GALNT17: variants seen among roughly 807,000 people sequenced by gnomAD.
The protein encoded by GALNT17 is UDP-GalNAc:polypeptide N-acetylgalactosaminyltransferase-like 3.
A neutral mutation model predicts 63.7 loss-of-function variants in GALNT17; 29 were observed. That is an observed-to-expected ratio of 0.46 (90% CI 0.34 to 0.62). GALNT17 has a LOEUF of 0.62. Among genes scored for constraint, GALNT17 ranks in the 20% least tolerant of loss-of-function variants. The pLI is 0.01. For synonymous variants in GALNT17, 305 were observed against 318.3 expected, an observed-to-expected ratio of 0.96 and a Z score of 0.45; for missense variants, 603 against 799.6, an observed-to-expected ratio of 0.75 and a Z score of 2.97.
At chr7:71,636,959 A>AT (rs1790535870) in intron 6 of GALNT17, among the ~76,000 whole-genome samples, 1 of 152,180 alleles carries the variant, frequency 6.6e-6, no homozygotes, top group South Asian at 2.1e-4. Context: ...GCAGATGGCC[A>AT]GGATTCAAAT....
At chr7:71,393,202 T>C (rs980426733) in intron 3 of GALNT17, among the ~76,000 whole-genome samples, 1 of 152,220 alleles carries the variant, frequency 6.6e-6, no homozygotes, top group African/African-American at 2.4e-5. Context: ...AATGCTCTCT[T>C]TATCTTAGAA....
At chr7:71,351,449 C>G (rs1274492614) in intron 2 of GALNT17, among the ~76,000 whole-genome samples, 3 of 151,966 alleles carry the variant, frequency 2.0e-5, no homozygotes, top group African/African-American at 7.3e-5. Context: ...ATAACAGGGT[C>G]TTTGCAGATG....
At chr7:71,488,002 T>C (rs1195464456) in intron 5 of GALNT17, among the ~76,000 whole-genome samples, 2 of 151,984 alleles carry the variant, frequency 1.3e-5, no homozygotes, top group African/African-American at 2.4e-5. Context: ...AGACCCTGTC[T>C]GTATAACAAG....
chr7:71,292,492 T>C (rs751556748), intron 1 of GALNT17, among the ~76,000 whole-genome samples: 7 of 152,174 alleles, frequency 4.6e-5, no homozygotes, highest in Non-Finnish European at 8.8e-5. Flanking sequence ...ACTGAGCATT[T>C]TTAACAGTTT....
At chr7:71,669,537 A>G (rs1459790637) in intron 7 of GALNT17, among the ~76,000 whole-genome samples, 1 of 151,218 alleles carries the variant, frequency 6.6e-6, no homozygotes, top group Non-Finnish European at 1.5e-5. Context: ...CACCCTTCTG[A>G]ATAAGCATAC....
chr7:71,139,410 T>G (rs1169371917), intron 1 of GALNT17, among the ~76,000 whole-genome samples: 4 of 152,192 alleles, frequency 2.6e-5, no homozygotes, highest in African/African-American at 9.7e-5. Flanking sequence ...TCGATTCAAC[T>G]TAGTTACCAA....
At chr7:71,221,038 G>A (rs553093082) in intron 1 of GALNT17, among the ~76,000 whole-genome samples, 42 of 152,240 alleles carry the variant, frequency 2.8e-4, no homozygotes, top group African/African-American at 7.0e-4. Context: ...CATGCTGGGC[G>A]CTGAGCCTCA....
chr7:71,414,330 A>G (rs921285786), intron 3 of GALNT17, among the ~76,000 whole-genome samples: 2 of 152,246 alleles, frequency 1.3e-5, no homozygotes, highest in African/African-American at 4.8e-5. Flanking sequence ...ATTGATCAAC[A>G]TTAATAATTA....
intron 1 of GALNT17, among the ~76,000 whole-genome samples, chr7:71,317,289 G>A (rs963760494): frequency 1.3e-5 from 2 of 152,186 alleles, no homozygotes; most frequent in Non-Finnish European, 2.9e-5. Context: ...GATGCCTCGT[G>A]CTCTGAGAAT....
chr7:71,635,156 G>A (rs1458934474), intron 6 of GALNT17, among the ~76,000 whole-genome samples: 4 of 145,986 alleles, frequency 2.7e-5, no homozygotes, highest in African/African-American at 2.6e-5. Flanking sequence ...GCAGTGAGCC[G>A]AGATCTCGCT....
intron 1 of GALNT17, among the ~76,000 whole-genome samples, chr7:71,221,481 C>G (rs189608228): frequency 6.6e-6 from 1 of 151,250 alleles, no homozygotes; most frequent in Non-Finnish European, 1.5e-5. Flanking sequence ...CATCTCCCTC[C>G]GTAGCCAATT....
chr7:71,690,748 A>G (rs1032022929), intron 9 of GALNT17, among the ~76,000 whole-genome samples: 3 of 152,202 alleles, frequency 2.0e-5, no homozygotes, highest in African/African-American at 4.8e-5. Context: ...GAGGGTTTCA[A>G]GGCTTCAGTG....
chr7:71,547,555 A>G (rs1277587798), intron 5 of GALNT17, among the ~76,000 whole-genome samples: 2 of 152,054 alleles, frequency 1.3e-5, no homozygotes, highest in Admixed American at 1.3e-4. Flanking sequence ...TCAAAGTGCT[A>G]GGATTACAGG....
In GALNT17 at chr7:71,398,586, C is replaced by A. The variant is rs187768100; in HGVS notation, c.589+10185C>A. Among the ~76,000 whole-genome samples, 29 of 152,224 alleles carry A rather than the reference C, an allele frequency of 1.9e-4. No individual in the cohort carries two copies. In the East Asian group the frequency reaches 5.2e-3, roughly 27 times the overall value. ...CATTTTTCTCATTGATGTTTAGTTT[C>A]TATCTTTCATGTTGGAGGCTTTCCT... On this transcript the variant is annotated intron_variant, in intron 3 of 10. Coordinates refer to ENST00000333538, the MANE Select transcript of GALNT17 (RefSeq NM_022479.3).
intron 9 of GALNT17, among the ~76,000 whole-genome samples, chr7:71,707,117 C>T (rs1189819438): frequency 6.6e-6 from 1 of 152,096 alleles, no homozygotes; most frequent in Admixed American, 6.6e-5. Flanking sequence ...GGGAAAATTG[C>T]ATTATTTATT....
chr7:71,552,120 C>G (rs1293633726), intron 5 of GALNT17, among the ~76,000 whole-genome samples: 1 of 150,612 alleles, frequency 6.6e-6, no homozygotes, highest in Non-Finnish European at 1.5e-5. Flanking sequence ...TCTTGGGCCA[C>G]TGCAACCTCC....
chr7:71,339,005 A>G (rs1053870414), intron 2 of GALNT17, among the ~76,000 whole-genome samples: 19 of 152,218 alleles, frequency 1.2e-4, no homozygotes, highest in Non-Finnish European at 2.6e-4. Context: ...TTTGCTCTCC[A>G]AAACATCTGT....
At chr7:71,377,114 A>AAAAAATATATATATATATATATAT in intron 2 of GALNT17, among the ~76,000 whole-genome samples, 5 of 57,462 alleles carry the variant, frequency 8.7e-5, no homozygotes, top group East Asian at 4.6e-4. Flanking sequence ...AAATAAAAAA[A>AAAAAATATATATATATATATATAT]ATATATATAT....
intron 5 of GALNT17, among the ~76,000 whole-genome samples, chr7:71,449,758 C>T (rs1410017163): frequency 6.6e-6 from 1 of 152,040 alleles, no homozygotes; most frequent in East Asian, 1.9e-4. Context: ...AATCGATTGT[C>T]TAACCGGGCG....
Sources: allele counts gnomAD v4.1 joint callset (sites outside exome capture counted in the v4.1 genomes callset), GRCh38; gene constraint gnomAD v4.1.1; transcripts MANE v1.5; gene names NCBI Gene and HGNC (gene_info 2026-07-23, HGNC 2026-07-21).